The following DACH2 variants were observed in gnomAD, a reference collection of about 807,000 sequenced individuals.
DACH2 encodes dachshund family transcription factor 2.
Under a neutral mutation model 35.8 loss-of-function variants are expected in DACH2, and 17 were observed. The ratio of observed to expected loss-of-function variants is 0.48; its 90% CI spans 0.33 to 0.71. The LOEUF (loss-of-function observed/expected upper bound fraction) is 0.71. Among genes scored for constraint, DACH2 ranks in the 30% least tolerant of loss-of-function variants. The pLI, the probability that DACH2 is intolerant of heterozygous loss-of-function variation, is 0.02. For synonymous variants in DACH2, 195 were observed against 177.3 expected (o/e 1.10, Z -0.79); for missense variants, 469 against 472.7 (o/e 0.99, Z 0.07).
At position 86,745,737 on chromosome X, in the gene DACH2, T is replaced by C. The variant is rs150838084; in HGVS notation, c.1240+5855T>C. On this transcript the variant is annotated intron_variant, in intron 7 of 11. Transcript: ENST00000373125. ...CATGATTTAGAATGGTTTATATTCC[T>C]TTGGGTACATATCCAATAATGGGAT... Among the ~76,000 whole-genome samples, 1,076 of 111,770 alleles carry C rather than the reference T, an allele frequency of 9.6e-3. 9 individuals carry two copies. The highest frequency in any genetic ancestry group is 0.033 in the African/African-American group (1,007 of 30,802).
chrX:86,155,374 A>C (rs768044217), intron 1 of DACH2, among the ~76,000 whole-genome samples: 41 of 110,919 alleles, frequency 3.7e-4, no homozygotes, highest in Non-Finnish European at 6.1e-4. Flanking sequence ...TATTCTTGCT[A>C]ATTATTTGTA....
chrX:86,549,367 A>G (rs1342766374), intron 3 of DACH2, among the ~76,000 whole-genome samples: 1 of 111,409 alleles, frequency 9.0e-6, no homozygotes, highest in Admixed American at 9.6e-5. Context: ...GCCATTATCA[A>G]GAAATAGTCT....
chrX:86,503,917 T>C (rs2038286005), intron 2 of DACH2, among the ~76,000 whole-genome samples: 1 of 111,377 alleles, frequency 9.0e-6, no homozygotes, highest in Non-Finnish European at 1.9e-5. Context: ...ACAAATTGAG[T>C]AACTGAAAGT....
chrX:86,697,076 C>T (rs892809962), intron 5 of DACH2, among the ~76,000 whole-genome samples: 1 of 111,449 alleles, frequency 9.0e-6, no homozygotes, highest in African/African-American at 3.3e-5. Context: ...AGCCTTAAGC[C>T]TCCTGTCTCA....
intron 1 of DACH2, among the ~76,000 whole-genome samples, chrX:86,356,724 A>T (rs1245278516): frequency 9.0e-6 from 1 of 111,202 alleles, no homozygotes; most frequent in African/African-American, 3.3e-5. Flanking sequence ...TAATTTATTT[A>T]AAAAAATTAA....
At chrX:86,311,399 G>C (rs1376936880) in intron 1 of DACH2, among the ~76,000 whole-genome samples, 1 of 112,052 alleles carries the variant, frequency 8.9e-6, no homozygotes, top group East Asian at 2.8e-4. Context: ...TGGATTGATA[G>C]AACGGTGGAA....
intron 1 of DACH2, among the ~76,000 whole-genome samples, chrX:86,338,402 A>T (rs769987875): frequency 8.9e-6 from 1 of 112,048 alleles, no homozygotes; most frequent in Non-Finnish European, 1.9e-5. Context: ...ACTCAGGATT[A>T]AGAAGCTTAC....
chrX:86,286,925 G>A (rs1042542740), intron 1 of DACH2, among the ~76,000 whole-genome samples: 6 of 111,664 alleles, frequency 5.4e-5, no homozygotes, highest in Admixed American at 2.9e-4. Flanking sequence ...TTACTGTGTC[G>A]TAATATTCTG....
chrX:86,346,259 AAGAC>A (rs1054236345), intron 1 of DACH2, among the ~76,000 whole-genome samples: 2 of 106,556 alleles, frequency 1.9e-5, no homozygotes, highest in Non-Finnish European at 3.9e-5. Flanking sequence ...TGCAGGCTGA[AAGAC>A]AGAGTTTTCT....
chrX:86,594,256 G>A (rs1045173880), intron 3 of DACH2, among the ~76,000 whole-genome samples: 2 of 110,847 alleles, frequency 1.8e-5, no homozygotes, highest in Non-Finnish European at 3.8e-5. Flanking sequence ...TAGTTATCTT[G>A]TTTAGAGGTT....
chrX:86,585,076 T>G (rs778493025), intron 3 of DACH2, among the ~76,000 whole-genome samples: 1 of 111,119 alleles, frequency 9.0e-6, no homozygotes, highest in South Asian at 3.8e-4. Flanking sequence ...GCTGATGTCA[T>G]GTCTTTGCTA....
rs191196988 is a variant in DACH2, at chrX:86,599,743, G to T, written c.641-51293G>T. Among the ~76,000 whole-genome samples the T allele has an allele frequency of 3.6e-3, 395 of 110,341 alleles. 2 individuals are homozygous for T. The highest frequency in any genetic ancestry group is 0.012 in the African/African-American group (377 of 30,347). On this transcript the variant is annotated intron_variant, in intron 3 of 11. Transcript: ENST00000373125. ...ACTCCTGACCTCAAGTGATCCACCT[G>T]CCTCAGCCTCCTAAAGTGCTGGGAT...
intron 1 of DACH2, among the ~76,000 whole-genome samples, chrX:86,315,401 T>C (rs2034879473): frequency 8.9e-6 from 1 of 112,359 alleles, no homozygotes; most frequent in Non-Finnish European, 1.9e-5. Flanking sequence ...GAGATTCATG[T>C]TGTTTTCATG....
At chrX:86,545,729 T>C (rs1419462879) in intron 3 of DACH2, among the ~76,000 whole-genome samples, 1 of 111,840 alleles carries the variant, frequency 8.9e-6, no homozygotes, top group East Asian at 2.8e-4. Context: ...TTTCAATGTT[T>C]ATAATTTAAA....
At chrX:86,206,217 A>G in intron 1 of DACH2, among the ~76,000 whole-genome samples, 1 of 109,195 alleles carries the variant, frequency 9.2e-6, no homozygotes, top group Non-Finnish European at 1.9e-5. Flanking sequence ...ATGAATTTGC[A>G]CTCTTTGGTA....
chrX:86,238,663 A>G (rs1405527857), intron 1 of DACH2, among the ~76,000 whole-genome samples: 1 of 110,790 alleles, frequency 9.0e-6, no homozygotes. Context: ...TCTGATTGTT[A>G]TCTTGGATGA....
At chrX:86,701,816 A>G (rs1048994366) in intron 5 of DACH2, among the ~76,000 whole-genome samples, 1 of 111,591 alleles carries the variant, frequency 9.0e-6, no homozygotes, top group Non-Finnish European at 1.9e-5. Flanking sequence ...CTAAACCATG[A>G]ACACACATGG....
intron 1 of DACH2, among the ~76,000 whole-genome samples, chrX:86,337,669 A>G (rs777690070): frequency 8.9e-6 from 1 of 112,108 alleles, no homozygotes; most frequent in African/African-American, 3.2e-5. Flanking sequence ...AGGCAAAATA[A>G]CCAGCTAGCA....
intron 3 of DACH2, among the ~76,000 whole-genome samples, chrX:86,599,657 C>T (rs1284379732): frequency 1.8e-5 from 2 of 109,516 alleles, no homozygotes; most frequent in African/African-American, 6.7e-5. Context: ...CCACCATACC[C>T]AGCTAATATT....
Sources: allele counts gnomAD v4.1 joint callset (sites outside exome capture counted in the v4.1 genomes callset), GRCh38; gene constraint gnomAD v4.1.1; transcripts MANE v1.5; gene names NCBI Gene and HGNC (gene_info 2026-07-23, HGNC 2026-07-21).